The following SLC9C1 variants were observed in gnomAD, a reference collection of about 807,000 sequenced individuals.
SLC9C1 encodes sodium/hydrogen exchanger 10.
SLC9C1 carries 97 observed loss-of-function variants against 140.9 expected under a neutral mutation model. That is an observed-to-expected ratio of 0.69 (90% confidence interval 0.58 to 0.82). The LOEUF is 0.82. Ranked by LOEUF, SLC9C1 falls within the 40% of genes least tolerant of loss-of-function variation. The pLI is 0.00. For synonymous variants in SLC9C1, 440 were observed against 442.6 expected (o/e 0.99, Z 0.07); for missense variants, 1,340 against 1,389.3 (o/e 0.96, Z 0.56).
intron 9 of SLC9C1, among the ~76,000 whole-genome samples, chr3:112,263,679 C>A (rs4234414): frequency 0.3 from 44,917 of 151,570 alleles, 7,208 homozygotes; most frequent in East Asian, 0.43. Flanking sequence ...AGATTAAAGA[C>A]CTATGAGACT....
chr3:112,234,856 A>T (rs1416320302), intron 12 of SLC9C1, among the ~76,000 whole-genome samples: 1 of 152,140 alleles, frequency 6.6e-6, no homozygotes, highest in Non-Finnish European at 1.5e-5. Context: ...TGGTACAAGT[A>T]CCATGCTGTT....
chr3:112,250,784 T>C (rs1474796223), intron 10 of SLC9C1, among the ~76,000 whole-genome samples: 2 of 152,184 alleles, frequency 1.3e-5, no homozygotes, highest in African/African-American at 2.4e-5. Flanking sequence ...GACAGTTATA[T>C]ACTGCTGGTG....
At chr3:112,158,960 T>C (rs1010428766) in intron 26 of SLC9C1, among the ~76,000 whole-genome samples, 17 of 151,940 alleles carry the variant, frequency 1.1e-4, no homozygotes, top group African/African-American at 4.1e-4. Context: ...AAAAAAAATA[T>C]TTTTGCCAAC....
Position 112,200,606 on chromosome 3 carries a change from G to A in SLC9C1, c.2374+105C>T, listed in dbSNP as rs2077881750. On this transcript the variant is annotated intron_variant, in intron 19 of 28. Transcript: ENST00000305815. ...GAGGTTACTCACTTCAGTATTGTTA[G>A]TGAGTAGGTTTCCTCAAAGATTAGC... 3.1e-6 allele frequency: 3 copies of A among 952,710 alleles called. No homozygotes were observed. In the South Asian group the frequency reaches 4.4e-5, roughly 14 times the overall value. The allele number at this position is 952,710 out of a possible 1,614,324, so 59.0% of individuals were successfully genotyped here.
intron 2 of SLC9C1, among the ~76,000 whole-genome samples, chr3:112,284,422 C>T (rs756387513): frequency 6.6e-6 from 1 of 152,106 alleles, no homozygotes; most frequent in Non-Finnish European, 1.5e-5. Flanking sequence ...TATATTATTA[C>T]CAGTAAAAGC....
intron 10 of SLC9C1, among the ~76,000 whole-genome samples, chr3:112,246,486 G>A (rs898619185): frequency 2.0e-5 from 3 of 151,860 alleles, no homozygotes; most frequent in African/African-American, 7.3e-5. Context: ...AGTAAGAGTC[G>A]TCATTTTCCT....
At chr3:112,213,884 C>T (rs1174982199) in intron 15 of SLC9C1, among the ~76,000 whole-genome samples, 1 of 152,212 alleles carries the variant, frequency 6.6e-6, no homozygotes, top group Non-Finnish European at 1.5e-5. Flanking sequence ...GAACTCTCCA[C>T]CCCAAATCAA....
At chr3:112,233,920 G>T (rs2078906905) in intron 12 of SLC9C1, among the ~76,000 whole-genome samples, 1 of 152,144 alleles carries the variant, frequency 6.6e-6, no homozygotes, top group Admixed American at 6.5e-5. Flanking sequence ...TTGCTATTGT[G>T]AATAGTGCCA....
intron 19 of SLC9C1, among the ~76,000 whole-genome samples, chr3:112,199,709 A>G: frequency 6.6e-6 from 1 of 152,026 alleles, no homozygotes; most frequent in Non-Finnish European, 1.5e-5. Context: ...AAGGATAGGT[A>G]GCTTCGTTTC....
At chr3:112,241,761 A>G (rs188132499) in intron 11 of SLC9C1, among the ~76,000 whole-genome samples, 2 of 152,302 alleles carry the variant, frequency 1.3e-5, no homozygotes, top group East Asian at 1.9e-4. Flanking sequence ...ACATAGCTCA[A>G]TGGGACAGAA....
chr3:112,248,732 A>G (rs890140725), intron 10 of SLC9C1, among the ~76,000 whole-genome samples: 1 of 152,142 alleles, frequency 6.6e-6, no homozygotes, highest in Admixed American at 6.6e-5. Context: ...CCCTTATTTG[A>G]AACTTAAGGG....
At chr3:112,179,979 A>T (rs1257418628) in intron 22 of SLC9C1, among the ~76,000 whole-genome samples, 1 of 152,210 alleles carries the variant, frequency 6.6e-6, no homozygotes, top group Non-Finnish European at 1.5e-5. Context: ...GCATAAGATG[A>T]ATAACAATTT....
chr3:112,258,410 T>C (rs989215429), intron 10 of SLC9C1, among the ~76,000 whole-genome samples: 1 of 76,200 alleles, frequency 1.3e-5, no homozygotes, highest in African/African-American at 3.5e-5. Flanking sequence ...GTTTTTTTGT[T>C]TGTTTGTTTG....
chr3:112,168,953 A>G lies in SLC9C1; in HGVS notation c.3161T>C (p.Ile1054Thr). Residue 1054 changes from isoleucine (I) to threonine (T), a missense_variant, in exon 25 of 29, where the codon ATA becomes ACA. Coordinates refer to ENST00000305815, the MANE Select transcript of SLC9C1 (RefSeq NM_183061.3). Reference sequence around the variant, plus strand: ...CAGACAATCTTCTACAGCTCCATGTATGAGGATAACATAGATTAGATTTTC... The same window carrying G: ...CAGACAATCTTCTACAGCTCCATGTGTGAGGATAACATAGATTAGATTTTC... ...YDENLIYVILIHGAVEDCLLR... is the reference protein window; with the variant it reads ...YDENLIYVILTHGAVEDCLLR... 1 of 1,612,318 alleles carries G rather than the reference A, an allele frequency of 6.2e-7. No individual in the cohort carries two copies. The highest frequency in any genetic ancestry group is 8.5e-7 in the Non-Finnish European group (1 of 1,179,504).
intron 26 of SLC9C1, among the ~76,000 whole-genome samples, chr3:112,160,839 T>A (rs376535649): frequency 4.0e-5 from 6 of 151,008 alleles, no homozygotes; most frequent in African/African-American, 1.5e-4. Context: ...CCTGAGGAAT[T>A]GCCACACTGA....
At chr3:112,236,865 G>A (rs930769189) in intron 12 of SLC9C1, among the ~76,000 whole-genome samples, 3 of 152,200 alleles carry the variant, frequency 2.0e-5, no homozygotes, top group African/African-American at 7.2e-5. Flanking sequence ...TACATTTGCT[G>A]AGGAGTGCTT....
chr3:112,188,282 A>G (rs2077578005), intron 20 of SLC9C1, among the ~76,000 whole-genome samples: 1 of 152,182 alleles, frequency 6.6e-6, no homozygotes, highest in South Asian at 2.1e-4. Flanking sequence ...CATGTGCACA[A>G]CGTGCAGGTT....
At position 112,205,778 on chromosome 3, in the gene SLC9C1, G is replaced by T. The variant is rs2078030176; in HGVS notation, c.1987-1375C>A. The stretch of plus-strand genomic sequence containing the variant: ...AAGGATTCCCTATTTAATAAATGGT[G>T]CTGGGAAAACTGGCTAGCCAAATGT... On this transcript the variant is annotated intron_variant, in intron 16 of 28. Transcript: ENST00000305815. 2.1e-5 allele frequency among the ~76,000 whole-genome samples: 3 copies of T among 142,356 alleles called. No individual in the cohort carries two copies. In the South Asian group the frequency reaches 7.5e-4, roughly 36 times the overall value. 93.4% of individuals were successfully genotyped at this position (142,356 alleles called of 152,430 possible).
At position 112,167,273 on chromosome 3, in the gene SLC9C1, A is replaced by G. The variant is rs756778084; in HGVS notation, c.3312T>C (p.Asn1104=). The change falls in exon 26 of 29, where the codon AAT becomes AAC. Residue 1104 remains asparagine, a synonymous_variant. Transcript: ENST00000305815. ...TATGTTTAGGAACAAACTTTCTAAT[A>G]TTCCTTCTGAATGTTTTCATGTTAA... is the stretch of plus-strand genomic sequence containing the variant. The part of the protein sequence containing the change: ...TPINMKTFRR[N]IRKFVPKHKS... The G allele has an allele frequency of 2.5e-6, 4 of 1,609,634 alleles. No individual in the cohort carries two copies. In the East Asian group the frequency reaches 9.0e-5, roughly 36 times the overall value.
Sources: gnomAD v4.1 joint callset for allele counts (sites outside exome capture counted in the v4.1 genomes callset) on GRCh38, gnomAD v4.1.1 for gene constraint, MANE v1.5 for transcripts, NCBI Gene and HGNC (gene_info 2026-07-23, HGNC 2026-07-21) for gene names.